The following AK4 variants were observed in gnomAD, a reference collection of about 807,000 sequenced individuals.
AK4 encodes adenylate kinase 4, mitochondrial.
In AK4, 13 loss-of-function variants were observed where a neutral mutation model predicts 24.6. The ratio of observed to expected loss-of-function variants is 0.53; its 90% CI spans 0.34 to 0.84. AK4 has a LOEUF of 0.84. Among genes scored for constraint, AK4 ranks in the 40% least tolerant of loss-of-function variants. AK4 has a pLI of 0.01. For synonymous variants in AK4, 88 were observed against 107.0 expected (o/e 0.82, Z 1.10); for missense variants, 192 against 288.2 (o/e 0.67, Z 2.42).
At chr1:65,166,564 G>A (rs928480836) in intron 1 of AK4, among the ~76,000 whole-genome samples, 1 of 152,118 alleles carries the variant, frequency 6.6e-6, no homozygotes, top group East Asian at 1.9e-4. Context: ...TTATCTCCCA[G>A]GCTGGAGGAG....
At chr1:65,181,348 CTG>C (rs759084992) in intron 1 of AK4, among the ~76,000 whole-genome samples, 2 of 150,778 alleles carry the variant, frequency 1.3e-5, no homozygotes, top group African/African-American at 2.4e-5. Context: ...ATAATTGTGT[CTG>C]TGTTAGACTT....
At chr1:65,193,619 T>TG (rs1651377856) in intron 2 of AK4, among the ~76,000 whole-genome samples, 1 of 152,172 alleles carries the variant, frequency 6.6e-6, no homozygotes, top group East Asian at 1.9e-4. Context: ...GTAAGGGGTG[T>TG]GGGAAGGGAT....
chr1:65,223,550 T>C (rs1652361221), intron 3 of AK4, among the ~76,000 whole-genome samples: 1 of 152,048 alleles, frequency 6.6e-6, no homozygotes, highest in Non-Finnish European at 1.5e-5. Flanking sequence ...TTCCCCAAAC[T>C]TATAGTAAGT....
Position 65,218,779 on chromosome 1 carries a change from C to T in AK4, c.291C>T (p.Ala97=), listed in dbSNP as rs776663708. The stretch of plus-strand genomic sequence containing the variant: ...GTTTTCCTAGGACATTAGGACAAGC[C>T]GAAGCCCTGGACAAAATCTGTGAAG... ...LDGFPRTLGQ[A]EALDKICEVD... is the part of the protein sequence containing the mutation. Residue 97 remains alanine, a synonymous_variant, in exon 3 of 5, where the codon GCC becomes GCT. Transcript: ENST00000327299. The T allele has an allele frequency of 6.3e-6, 10 of 1,588,004 alleles. No homozygotes were observed. Among genetic ancestry groups the T allele is most frequent in the African/African-American group, 2.7e-5 (2 of 73,416 alleles).
chr1:65,203,452 T>C (rs899940320), intron 2 of AK4, among the ~76,000 whole-genome samples: 3 of 152,190 alleles, frequency 2.0e-5, no homozygotes, highest in African/African-American at 7.2e-5. Flanking sequence ...ACTGTCATTC[T>C]AATGAATAAG....
Position 65,153,523 on chromosome 1 carries a change from G to A in AK4, c.145+4971G>A, listed in dbSNP as rs188563621. On this transcript the variant is annotated intron_variant, in intron 1 of 4. Coordinates refer to ENST00000327299, the MANE Select transcript of AK4 (RefSeq NM_013410.4). The stretch of plus-strand genomic sequence containing the variant: ...TTAGTTCAGGCAGTCTGCCCGCCTC[G>A]GCCTCCCAAAATGCTGAGATTACAG... 2.8e-4 allele frequency among the ~76,000 whole-genome samples: 43 copies of A among 152,074 alleles called. No homozygotes were observed. The East Asian group carries it at 7.9e-3, about 28-fold the overall frequency.
intron 1 of AK4, among the ~76,000 whole-genome samples, chr1:65,185,012 G>C (rs149575177): frequency 1.3e-5 from 2 of 152,150 alleles, no homozygotes; most frequent in African/African-American, 4.8e-5. Flanking sequence ...GATGCCTCTG[G>C]AAGTCTTCCA....
intron 1 of AK4, among the ~76,000 whole-genome samples, chr1:65,177,075 A>G (rs1557447002): frequency 6.6e-6 from 1 of 152,220 alleles, no homozygotes; most frequent in Non-Finnish European, 1.5e-5. Flanking sequence ...GTGATAATCG[A>G]TTGTGCAGAT....
chr1:65,206,457 C>A (rs1259137123), intron 2 of AK4, among the ~76,000 whole-genome samples: 1 of 152,206 alleles, frequency 6.6e-6, no homozygotes, highest in Non-Finnish European at 1.5e-5. Context: ...ATTCAAAGAA[C>A]AAGCAAGCAG....
In AK4 at chr1:65,229,672, A is replaced by G. The variant is rs1557475205; in HGVS notation, c.*3495A>G. On this transcript the variant is annotated 3_prime_UTR_variant, in exon 5 of 5. Transcript: ENST00000327299. ...TAAGACCTCCTTTATGAATAGAATA[A>G]AAGACTGTCAAAGTAGGCTGGGCTT... is the stretch of plus-strand genomic sequence containing the variant. The G allele has an allele frequency of 6.6e-6, 1 of 152,200 alleles. No individual in the cohort carries two copies. The highest frequency in any genetic ancestry group is 1.5e-5 in the Non-Finnish European group (1 of 68,038). 9.4% of individuals were successfully genotyped at this position (152,200 alleles called of 1,614,324 possible).
Position 65,229,034 on chromosome 1 carries a change from G to C in AK4, c.*2857G>C, listed in dbSNP as rs926719538. 6.6e-5 allele frequency: 10 copies of C among 152,138 alleles called. No individual in the cohort carries two copies. The highest frequency in any genetic ancestry group is 2.4e-4 in the African/African-American group (10 of 41,426). 9.4% of individuals were successfully genotyped at this position (152,138 alleles called of 1,614,324 possible). A position where few individuals can be genotyped will look rare whatever the true frequency, so the allele number is the denominator to read the frequency against. Reference sequence around the variant, plus strand: ...AATCTTTCTAGCATCCTGTGAAACAGCCATGATTTCACGTTGATAAACAAA... The same window carrying C: ...AATCTTTCTAGCATCCTGTGAAACACCCATGATTTCACGTTGATAAACAAA... On this transcript the variant is annotated 3_prime_UTR_variant, in exon 5 of 5. Coordinates refer to ENST00000327299, the MANE Select transcript of AK4 (RefSeq NM_013410.4).
chr1:65,189,916 T>G (rs1651237435), intron 1 of AK4, among the ~76,000 whole-genome samples: 1 of 152,250 alleles, frequency 6.6e-6, no homozygotes, highest in Non-Finnish European at 1.5e-5. Context: ...TCTGCTTATA[T>G]TGAGGTTGAT....
chr1:65,187,354 A>C (rs1651135810), intron 1 of AK4, among the ~76,000 whole-genome samples: 1 of 151,108 alleles, frequency 6.6e-6, no homozygotes, highest in African/African-American at 2.4e-5. Context: ...TCTCAAAAAA[A>C]AAAAAAAAAA....
At chr1:65,222,895 T>G (rs2101091905) in intron 3 of AK4, among the ~76,000 whole-genome samples, 1 of 152,254 alleles carries the variant, frequency 6.6e-6, no homozygotes, top group East Asian at 1.9e-4. Context: ...TGGTGAGTAA[T>G]AGTCATGGAT....
intron 1 of AK4, chr1:65,154,666 A>G (rs1649915414): frequency 6.9e-6 from 3 of 431,712 alleles, no homozygotes; most frequent in Non-Finnish European, 1.4e-5. Context: ...CCTCCTTCAA[A>G]GGATTATCCA....
intron 1 of AK4, among the ~76,000 whole-genome samples, chr1:65,152,720 C>G (rs953505963): frequency 6.6e-6 from 1 of 152,030 alleles, no homozygotes; most frequent in African/African-American, 2.4e-5. Flanking sequence ...ATATTAACTG[C>G]AGCTCTTGCT....
chr1:65,227,172 G>T lies in AK4; in HGVS notation c.*995G>T, dbSNP rs1159587129. The stretch of plus-strand genomic sequence containing the variant: ...ACCATTTGGAATTACTGGACTAATT[G>T]AATAGTTAAGGTTTCTATTCGGGAC... On this transcript the variant is annotated 3_prime_UTR_variant, in exon 5 of 5. Transcript: ENST00000327299. The T allele has an allele frequency of 1.5e-5, 2 of 134,114 alleles. No homozygotes were observed. Among genetic ancestry groups the T allele is most frequent in the Non-Finnish European group, 3.1e-5 (2 of 63,590 alleles). 8.3% of individuals were successfully genotyped at this position (134,114 alleles called of 1,614,324 possible). A position where few individuals can be genotyped will look rare whatever the true frequency, so the allele number is the denominator to read the frequency against.
Position 65,172,855 on chromosome 1 carries a change from AT to A in AK4, c.146-17830del, listed in dbSNP as rs11408059. On this transcript the variant is annotated intron_variant, in intron 1 of 4. Transcript: ENST00000327299. ...TCTGGGCCATCTTGGCCAGCAAGAG[AT>A]TTTTTTTTTTTTTTTTTTTTTTTTG... 8.9e-3 allele frequency among the ~76,000 whole-genome samples: 983 copies of A among 110,876 alleles called. 1 individual carries two copies. The highest frequency in any genetic ancestry group is 0.03 in the African/African-American group (778 of 26,006). The allele number at this position is 110,876 out of a possible 152,430, so 72.7% of individuals were successfully genotyped here. A position where few individuals can be genotyped will look rare whatever the true frequency, so the allele number is the denominator to read the frequency against.
At chr1:65,152,384 A>ATATT (rs1557434593) in intron 1 of AK4, among the ~76,000 whole-genome samples, 2 of 16,464 alleles carry the variant, frequency 1.2e-4, no homozygotes, top group Admixed American at 1.4e-3. Flanking sequence ...ATATATATAT[A>ATATT]TTTTTTTTTT....
Sources: gnomAD v4.1 joint callset for allele counts (sites outside exome capture counted in the v4.1 genomes callset) on GRCh38, gnomAD v4.1.1 for gene constraint, MANE v1.5 for transcripts, NCBI Gene and HGNC (gene_info 2026-07-23, HGNC 2026-07-21) for gene names.